Variants in SGMS1 observed in about 807,000 individuals in gnomAD.
SGMS1 encodes phosphatidylcholine:ceramide cholinephosphotransferase 1.
Under a neutral mutation model 46.2 loss-of-function variants are expected in SGMS1, and 13 were observed. The observed-to-expected ratio is 0.28, with a 90% CI of 0.18 to 0.45. The LOEUF is 0.45. Among genes scored for constraint, SGMS1 ranks in the 20% least tolerant of loss-of-function variants. SGMS1 has a pLI of 1.00. For missense variants in SGMS1, 324 were observed against 519.9 expected, an observed-to-expected ratio of 0.62 and a Z score of 3.66; for synonymous variants, 203 against 187.8, an observed-to-expected ratio of 1.08 and a Z score of -0.66.
At chr10:50,514,880 A>G (rs1197167462) in intron 3 of SGMS1, among the ~76,000 whole-genome samples, 4 of 152,174 alleles carry the variant, frequency 2.6e-5, no homozygotes, top group African/African-American at 9.7e-5. Flanking sequence ...AACCTGTTAT[A>G]GCTCCCTCTG....
At chr10:50,326,658 T>C (rs1163210717) in intron 8 of SGMS1, among the ~76,000 whole-genome samples, 6 of 152,158 alleles carry the variant, frequency 3.9e-5, no homozygotes, top group Admixed American at 6.5e-5. Flanking sequence ...TTGAATCTGA[T>C]GGAAAGGTAG....
At chr10:50,617,554 A>G (rs957795156) in intron 1 of SGMS1, among the ~76,000 whole-genome samples, 1 of 152,146 alleles carries the variant, frequency 6.6e-6, no homozygotes, top group East Asian at 1.9e-4. Flanking sequence ...TAGTTTACCT[A>G]TATAAGTTAC....
intron 8 of SGMS1, among the ~76,000 whole-genome samples, chr10:50,314,502 A>G (rs570441964): frequency 2.6e-5 from 4 of 152,230 alleles, no homozygotes; most frequent in Non-Finnish European, 4.4e-5. Context: ...TGAGAAAATA[A>G]TCACCAATAG....
intron 6 of SGMS1, among the ~76,000 whole-genome samples, chr10:50,362,952 A>G (rs1217958209): frequency 6.6e-6 from 1 of 152,150 alleles, no homozygotes; most frequent in East Asian, 1.9e-4. Context: ...TCAGCAAAAA[A>G]ATAAAGTATA....
intron 4 of SGMS1, among the ~76,000 whole-genome samples, chr10:50,465,613 T>C (rs1161461620): frequency 1.3e-5 from 2 of 151,222 alleles, no homozygotes; most frequent in East Asian, 3.9e-4. Flanking sequence ...AGATGGAAAA[T>C]AGCTAAGAGT....
At chr10:50,476,425 G>T (rs1053037034) in intron 3 of SGMS1, among the ~76,000 whole-genome samples, 1 of 152,134 alleles carries the variant, frequency 6.6e-6, no homozygotes, top group African/African-American at 2.4e-5. Flanking sequence ...TGGGTAACAG[G>T]CAGAGGTTAG....
chr10:50,504,700 A>G (rs1027833333), intron 3 of SGMS1, among the ~76,000 whole-genome samples: 14 of 150,106 alleles, frequency 9.3e-5, no homozygotes, highest in African/African-American at 3.4e-4. Flanking sequence ...AATCCTGTTC[A>G]TTTTTTTTTT....
chr10:50,478,133 G>C (rs1005475789), intron 3 of SGMS1, among the ~76,000 whole-genome samples: 2 of 152,220 alleles, frequency 1.3e-5, no homozygotes, highest in Non-Finnish European at 2.9e-5. Flanking sequence ...TGTATGTCAT[G>C]AATCTGCTTC....
At chr10:50,537,974 T>C (rs1838018327) in intron 2 of SGMS1, among the ~76,000 whole-genome samples, 1 of 152,124 alleles carries the variant, frequency 6.6e-6, no homozygotes, top group Admixed American at 6.6e-5. Context: ...GTTTGGTCAG[T>C]TCTCAAGAAG....
At position 50,306,311 on chromosome 10, in the gene SGMS1, A is replaced by C. The variant is rs989135842; in HGVS notation, c.*831T>G. 2.0e-5 allele frequency: 3 copies of C among 152,564 alleles called. No homozygotes were observed. Among genetic ancestry groups the C allele is most frequent in the African/African-American group, 7.2e-5 (3 of 41,454 alleles). 9.5% of individuals were successfully genotyped at this position (152,564 alleles called of 1,614,324 possible). A position where few individuals can be genotyped will look rare whatever the true frequency, so the allele number is the denominator to read the frequency against. On this transcript the variant is annotated 3_prime_UTR_variant, in exon 11 of 11. Transcript: ENST00000361781. ...AAATGCAAAATTTAGTAGTGTATAC[A>C]TATATTTATATTTTCAAGGAATACT...
At position 50,327,129 on chromosome 10, in the gene SGMS1, T is replaced by C. The variant is rs561016971; in HGVS notation, c.741+76A>G. 12 of 836,300 alleles carry C rather than the reference T, an allele frequency of 1.4e-5. No homozygotes were observed. The East Asian group carries it at 3.0e-4, about 21-fold the overall frequency. The allele number at this position is 836,300 out of a possible 1,614,324, so 51.8% of individuals were successfully genotyped here. On this transcript the variant is annotated intron_variant, in intron 8 of 10. Transcript: ENST00000361781. Reference sequence around the variant, plus strand: ...ACTGTATTCTGAAGAAACGTTTTCCTGCAACCTCACTCAAAGGACCCCAGG... The same window carrying C: ...ACTGTATTCTGAAGAAACGTTTTCCCGCAACCTCACTCAAAGGACCCCAGG...
intron 7 of SGMS1, chr10:50,340,621 T>A (rs1027621109): frequency 6.6e-6 from 1 of 152,136 alleles, no homozygotes; most frequent in African/African-American, 2.4e-5. Context: ...GGGGAGACAT[T>A]AAGAATGAAA....
At chr10:50,506,656 A>G (rs1837709366) in intron 3 of SGMS1, among the ~76,000 whole-genome samples, 1 of 152,196 alleles carries the variant, frequency 6.6e-6, no homozygotes, top group African/African-American at 2.4e-5. Flanking sequence ...CCAGGAGCAA[A>G]TTAAAGGGAT....
At chr10:50,434,672 C>T (rs1022502209) in intron 5 of SGMS1, among the ~76,000 whole-genome samples, 4 of 149,450 alleles carry the variant, frequency 2.7e-5, no homozygotes, top group African/African-American at 7.4e-5. Context: ...GTCAGGAGAT[C>T]GAGACCATCC....
At chr10:50,436,136 G>A (rs1032115297) in intron 5 of SGMS1, among the ~76,000 whole-genome samples, 1 of 151,918 alleles carries the variant, frequency 6.6e-6, no homozygotes, top group Admixed American at 6.6e-5. Context: ...ACATAGTCTC[G>A]CTCTGTCGCC....
chr10:50,500,126 C>T (rs546778598), intron 3 of SGMS1, among the ~76,000 whole-genome samples: 12 of 152,276 alleles, frequency 7.9e-5, no homozygotes, highest in South Asian at 2.1e-4. Context: ...CAAGATTGCA[C>T]CACTGCACTT....
rs147356058 is a variant in SGMS1, at chr10:50,597,739, G to A, written c.-683-7492C>T. Among the ~76,000 whole-genome samples the A allele has an allele frequency of 1.1e-3, 164 of 152,268 alleles. 1 individual carries two copies. Among genetic ancestry groups the A allele is most frequent in the Middle Eastern group, 0.01 (3 of 294 alleles). On this transcript the variant is annotated intron_variant, in intron 1 of 10. Transcript: ENST00000361781. ...TTAAAATTCACAGAACTGGCCGGGC[G>A]TGGTGGCTCACATCTGTAATCCCAG...
chr10:50,408,045 A>G (rs915544295), intron 6 of SGMS1, among the ~76,000 whole-genome samples: 6 of 152,238 alleles, frequency 3.9e-5, no homozygotes, highest in Non-Finnish European at 7.3e-5. Flanking sequence ...TCTGTTCTAC[A>G]TAATATGATA....
At chr10:50,318,525 A>T (rs2133292237) in intron 8 of SGMS1, among the ~76,000 whole-genome samples, 1 of 152,344 alleles carries the variant, frequency 6.6e-6, no homozygotes, top group East Asian at 1.9e-4. Flanking sequence ...TCAATGCCTA[A>T]CAGTCAGCAA....
Sources: gnomAD v4.1 joint callset for allele counts (sites outside exome capture counted in the v4.1 genomes callset) on GRCh38, gnomAD v4.1.1 for gene constraint, MANE v1.5 for transcripts, NCBI Gene and HGNC (gene_info 2026-07-23, HGNC 2026-07-21) for gene names.